The following RNF123 variants were observed in gnomAD, a reference collection of about 807,000 sequenced individuals.
The protein encoded by RNF123 is E3 ubiquitin-protein ligase RNF123.
In RNF123, 86 loss-of-function variants were observed where a neutral mutation model predicts 168.5. The ratio of observed to expected loss-of-function variants is 0.51; its 90% CI spans 0.43 to 0.61. RNF123 has a LOEUF of 0.61. Among genes scored for constraint, RNF123 ranks in the 20% least tolerant of loss-of-function variants. The pLI is 0.00. For synonymous variants in RNF123, 666 were observed against 689.1 expected (o/e 0.97, Z 0.52); for missense variants, 1,419 against 1,729.7 (o/e 0.82, Z 3.19).
In RNF123 at chr3:49,714,124, C is replaced by G; in HGVS notation, c.2960C>G (p.Pro987Arg). 1 of 1,614,136 alleles carries G rather than the reference C, an allele frequency of 6.2e-7. No homozygotes were observed. Among genetic ancestry groups the G allele is most frequent in the South Asian group, 1.1e-5 (1 of 91,080 alleles). ...CGFGYRYTRL[P>R]HLLKTKLEDA... Reference sequence around the variant, plus strand: ...TTCGGGTACCGCTATACACGGCTGCCACATCTGCTGAAAACCAAACTTGAG... The same window carrying G: ...TTCGGGTACCGCTATACACGGCTGCGACATCTGCTGAAAACCAAACTTGAG... The change falls in exon 31 of 39, where the codon CCA (proline) becomes CGA (arginine). Residue 987 changes from proline to arginine, a missense_variant. Coordinates refer to ENST00000327697, the MANE Select transcript of RNF123 (RefSeq NM_022064.5).
intron 21 of RNF123, 115 bp from the exon 22 acceptor site, chr3:49,704,535 C>T (rs1483053847): frequency 1.1e-5 from 9 of 815,204 alleles, no homozygotes; most frequent in Non-Finnish European, 1.6e-5. Flanking sequence ...GGTGCTAAAC[C>T]GGGCTCTGCA....
At chr3:49,712,085 C>T (rs1031001366) in intron 26 of RNF123, among the ~76,000 whole-genome samples, 3 of 152,044 alleles carry the variant, frequency 2.0e-5, no homozygotes, top group South Asian at 4.2e-4. Context: ...ATTAGCCGAG[C>T]GCGGTATCAC....
At chr3:49,706,275 T>C (rs1317324618) in intron 25 of RNF123, among the ~76,000 whole-genome samples, 1 of 152,140 alleles carries the variant, frequency 6.6e-6, no homozygotes, top group Non-Finnish European at 1.5e-5. Context: ...CTGGGCCCAA[T>C]AAGTGCTGAA....
At position 49,691,283 on chromosome 3, in the gene RNF123, G is replaced by T. The variant is rs2054158832; in HGVS notation, c.82+36G>T. On this transcript the variant is annotated intron_variant, in intron 2 of 38. Coordinates refer to ENST00000327697, the MANE Select transcript of RNF123 (RefSeq NM_022064.5). ...GCAGGGAAGGAAGGAGGCTCCTCTT[G>T]TTGGGAGGAGAAGGAAGGGACAAAG... The T allele has an allele frequency of 5.0e-6, 8 of 1,604,866 alleles. No homozygotes were observed. In the Admixed American group the frequency reaches 6.7e-5, roughly 13 times the overall value.
In RNF123 at chr3:49,705,008, G is replaced by C; in HGVS notation, c.1984G>C (p.Gly662Arg). 1 of 1,607,456 alleles carries C rather than the reference G, an allele frequency of 6.2e-7. No individual in the cohort carries two copies. Among genetic ancestry groups the C allele is most frequent in the Non-Finnish European group, 8.5e-7 (1 of 1,177,956 alleles). ...GCGCCCCATGCAGGCCCTGGCTGTT[G>C]GGGGGCCACTGCCCCTGCCCCGGCC... The part of the protein sequence containing the change: ...AQRPMQALAV[G>R]GPLPLPRPGW... Residue 662 changes from glycine (G) to arginine (R), a missense_variant, in exon 23 of 39, where the codon GGG becomes CGG. Physicochemically the swap from Gly to Arg is moderately radical, Grantham distance 125. Transcript: ENST00000327697.
At chr3:49,691,935 C>CA (rs1361340719) in intron 3 of RNF123, among the ~76,000 whole-genome samples, 2 of 152,198 alleles carry the variant, frequency 1.3e-5, no homozygotes, top group Non-Finnish European at 2.9e-5. Context: ...ATAAAAGTTA[C>CA]AAGTACATTT....
chr3:49,698,706 G>A (rs755216354), intron 8 of RNF123, 49 bp from the exon 9 acceptor site: 20 of 1,597,894 alleles, frequency 1.3e-5, no homozygotes, highest in Non-Finnish European at 1.6e-5. Context: ...TTCAGAGTCA[G>A]CAGGCTGCTG....
intron 26 of RNF123, among the ~76,000 whole-genome samples, chr3:49,708,503 C>T (rs1453532630): frequency 7.2e-6 from 1 of 139,740 alleles, no homozygotes; most frequent in Non-Finnish European, 1.6e-5. Context: ...GCCAGCGGCT[C>T]ACAGACCCCC....
At chr3:49,692,669 C>G (rs181661411) in intron 3 of RNF123, among the ~76,000 whole-genome samples, 1 of 152,328 alleles carries the variant, frequency 6.6e-6, no homozygotes, top group East Asian at 1.9e-4. Context: ...TACTTTGCCT[C>G]TATGAGTTCA....
intron 36 of RNF123, 54 bp from the exon 37 acceptor site, chr3:49,720,746 A>G (rs2080386445): frequency 1.2e-6 from 2 of 1,612,510 alleles, no homozygotes; most frequent in Admixed American, 3.3e-5. Flanking sequence ...GGAATATTCA[A>G]GAGGCATCAC....
chr3:49,704,118 A>G (rs1444356853), intron 21 of RNF123, among the ~76,000 whole-genome samples: 1 of 152,094 alleles, frequency 6.6e-6, no homozygotes, highest in African/African-American at 2.4e-5. Flanking sequence ...GAGATGAGAA[A>G]TTCTGTTTGG....
rs2080322289 is a variant in RNF123, at chr3:49,719,055, C to A, written c.3501-1456C>A. 5.6e-6 allele frequency: 9 copies of A among 1,613,864 alleles called. No individual in the cohort carries two copies. In the Admixed American group the frequency reaches 1.3e-4, roughly 24 times the overall value. ...CCAAGCGGTTATTGAACAGAAGCAG[C>A]TTCTCCAGCGCCCCCAGCCCGTCGA... On this transcript the variant is annotated intron_variant, in intron 35 of 38. Coordinates refer to ENST00000327697, the MANE Select transcript of RNF123 (RefSeq NM_022064.5).
intron 25 of RNF123, 145 bp downstream of exon 25, chr3:49,706,210 A>C (rs2108190408): frequency 2.7e-6 from 2 of 746,916 alleles, no homozygotes; most frequent in East Asian, 5.4e-5. Flanking sequence ...TGGGGCTGGC[A>C]GCAAGGCCTG....
chr3:49,700,403 G>A, intron 13 of RNF123, 51 bp downstream of exon 13: 1 of 1,612,640 alleles, frequency 6.2e-7, no homozygotes, highest in Non-Finnish European at 8.5e-7. Context: ...CTTCACTGGG[G>A]TCGGGAAGAT....
At chr3:49,704,953 C>G in intron 22 of RNF123, 31 bp from the exon 23 acceptor site, 1 of 1,570,810 alleles carries the variant, frequency 6.4e-7, no homozygotes, top group African/African-American at 1.3e-5. Flanking sequence ...CCTGAGCCAG[C>G]CCTGGTCCTG....
chr3:49,700,590 G>C (rs1238262598), intron 14 of RNF123, 26 bp downstream of exon 14: 1 of 1,614,112 alleles, frequency 6.2e-7, no homozygotes, highest in Admixed American at 1.7e-5. Context: ...CCTGCCCTGA[G>C]CCCCCTGGGA....
chr3:49,713,612 A>G (rs762353091), intron 28 of RNF123, 25 bp downstream of exon 28: 4 of 1,605,282 alleles, frequency 2.5e-6, no homozygotes, highest in Non-Finnish European at 3.4e-6. Flanking sequence ...CAGAGGGTAC[A>G]GGGGGAGGGG....
At position 49,705,971 on chromosome 3, in the gene RNF123, A is replaced by G. The variant is rs889247191; in HGVS notation, c.2305-11A>G. The G allele has an allele frequency of 2.5e-6, 4 of 1,613,448 alleles. No homozygotes were observed. Among genetic ancestry groups the G allele is most frequent in the African/African-American group, 1.3e-5 (1 of 75,060 alleles). On this transcript the variant is annotated splice_polypyrimidine_tract_variant and intron_variant, in intron 24 of 38. Transcript: ENST00000327697. ...AGGGGCACTCTGGACATGTGGTCCC[A>G]TGCTGTGTAGATGGTGGGTGTCTCC... is the stretch of plus-strand genomic sequence containing the variant.
chr3:49,713,377 C>T, intron 27 of RNF123, 136 bp from the exon 28 acceptor site: 2 of 772,246 alleles, frequency 2.6e-6, no homozygotes, highest in Non-Finnish European at 4.3e-6. Flanking sequence ...CCGATGTCCC[C>T]AGATGCCACC....
Sources: gnomAD v4.1 joint callset for allele counts (sites outside exome capture counted in the v4.1 genomes callset) on GRCh38, gnomAD v4.1.1 for gene constraint, MANE v1.5 for transcripts, NCBI Gene and HGNC (gene_info 2026-07-23, HGNC 2026-07-21) for gene names.